Variants in PANK1 observed in about 807,000 individuals in gnomAD.
The protein encoded by PANK1 is pantothenate kinase 1.
PANK1 carries 18 observed loss-of-function variants against 40.1 expected under a neutral mutation model. The ratio of observed to expected loss-of-function variants is 0.45; its 90% CI spans 0.31 to 0.67. The LOEUF (loss-of-function observed/expected upper bound fraction) is 0.67. Among genes scored for constraint, PANK1 ranks in the 30% least tolerant of loss-of-function variants. The pLI is 0.06. For missense variants in PANK1, 457 were observed against 599.6 expected (o/e 0.76, Z 2.48); for synonymous variants, 242 against 237.7 (o/e 1.02, Z -0.17).
Position 89,599,512 on chromosome 10 carries a change from C to T in PANK1, c.646-7G>A. 1 of 1,609,778 alleles carries T rather than the reference C, an allele frequency of 6.2e-7. No homozygotes were observed. Among genetic ancestry groups the T allele is most frequent in the Non-Finnish European group, 8.5e-7 (1 of 1,177,514 alleles). ...GCAGCTGCAGGTCAGCAATCTAAAACAAAACACACAACAAAATAAAACCTT... is the reference window on the plus strand; with the variant it reads ...GCAGCTGCAGGTCAGCAATCTAAAATAAAACACACAACAAAATAAAACCTT... On this transcript the variant is annotated splice_polypyrimidine_tract_variant and splice_region_variant and intron_variant, in intron 2 of 6. Coordinates refer to ENST00000307534, the MANE Select transcript of PANK1 (RefSeq NM_148977.3).
rs777416944 is a variant in PANK1, at chr10:89,644,882, G to T, written c.10C>A (p.Arg4Ser). The change falls in exon 1 of 7, where the codon CGC (arginine) becomes AGC (serine). Residue 4 changes from arginine to serine, a missense_variant. Around this residue, in one of 4 missense-constraint regions of PANK1, gnomAD observed 144 missense variants for 131.2 expected, o/e 1.10. Coordinates refer to ENST00000307534, the MANE Select transcript of PANK1 (RefSeq NM_148977.3). ...ACCGAGCGCTCCTGCTGCCCGCTGC[G>T]GTCGCCCATGCCGGGGGCTGGCGGG... MGD[R>S]SGQQERSVPH... 8 of 1,500,548 alleles carry T rather than the reference G, an allele frequency of 5.3e-6. No homozygotes were observed. The highest frequency in any genetic ancestry group is 1.5e-5 in the African/African-American group (1 of 68,302). 93.0% of individuals were successfully genotyped at this position (1,500,548 alleles called of 1,614,324 possible).
chr10:89,582,588 C>T (rs528988594), downstream of PANK1: 10 of 152,234 alleles, frequency 6.6e-5, no homozygotes, highest in African/African-American at 2.4e-4. Flanking sequence ...ATAGAAGAGG[C>T]CATCAAAAGG....
At chr10:89,597,352 A>G (rs1844640920) in intron 3 of PANK1, among the ~76,000 whole-genome samples, 1 of 152,268 alleles carries the variant, frequency 6.6e-6, no homozygotes, top group East Asian at 1.9e-4. Context: ...TTGATGTTTC[A>G]TTCCCCTCCC....
chr10:89,635,179 T>C (rs1244621008), intron 1 of PANK1, among the ~76,000 whole-genome samples: 2 of 152,148 alleles, frequency 1.3e-5, no homozygotes, highest in South Asian at 4.1e-4. Context: ...TCTATTAATA[T>C]AAATAAGACT....
At chr10:89,605,040 C>T (rs1343306005) in intron 2 of PANK1, among the ~76,000 whole-genome samples, 2 of 150,296 alleles carry the variant, frequency 1.3e-5, no homozygotes, top group East Asian at 1.9e-4. Context: ...TGTGAGCCAC[C>T]AAGCCCAGCC....
rs115100849 is a variant in PANK1 at position 89,623,028 on chromosome 10, G to A, written c.293-10980C>T. Among the ~76,000 whole-genome samples the A allele has an allele frequency of 2.8e-3, 420 of 152,060 alleles. 5 individuals are homozygous for A. The highest frequency in any genetic ancestry group is 9.6e-3 in the African/African-American group (400 of 41,478). ...GTGAGACAAATGTTCATTATCTATC[G>A]TTAGGTGAAAAGGGCAGGGATTAAA... On this transcript the variant is annotated intron_variant, in intron 1 of 6. Coordinates refer to ENST00000307534, the MANE Select transcript of PANK1 (RefSeq NM_148977.3).
chr10:89,644,464 T>C (rs970121015), intron 1 of PANK1, 136 bp downstream of exon 1: 23 of 706,222 alleles, frequency 3.3e-5, no homozygotes, highest in African/African-American at 5.8e-5. Context: ...CCCGGGAACC[T>C]ACTCTGTGCA....
At position 89,644,895 on chromosome 10, in the gene PANK1, G is replaced by T; in HGVS notation, c.-4C>A. The T allele has an allele frequency of 6.6e-7, 1 of 1,515,702 alleles. No individual in the cohort carries two copies. Among genetic ancestry groups the T allele is most frequent in the East Asian group, 2.8e-5 (1 of 35,624 alleles). 93.9% of individuals were successfully genotyped at this position (1,515,702 alleles called of 1,614,324 possible). A position where few individuals can be genotyped will look rare whatever the true frequency, so the allele number is the denominator to read the frequency against. On this transcript the variant is annotated 5_prime_UTR_variant, in exon 1 of 7. Coordinates refer to ENST00000307534, the MANE Select transcript of PANK1 (RefSeq NM_148977.3). ...GCTGCCCGCTGCGGTCGCCCATGCC[G>T]GGGGCTGGCGGGGCTGTGCGCGGGC...
chr10:89,586,910 T>A (rs1173075930), intron 6 of PANK1, among the ~76,000 whole-genome samples: 2 of 152,148 alleles, frequency 1.3e-5, no homozygotes, highest in Non-Finnish European at 2.9e-5. Flanking sequence ...GTGGATTACC[T>A]GAGGTCAGGA....
intron 6 of PANK1, among the ~76,000 whole-genome samples, chr10:89,586,153 CT>C (rs1441522462): frequency 5.9e-5 from 9 of 152,310 alleles, no homozygotes; most frequent in African/African-American, 2.2e-4. Context: ...AGTTTCCAGG[CT>C]TTGTTGTCTG....
intron 1 of PANK1, among the ~76,000 whole-genome samples, chr10:89,642,765 C>T (rs2133039847): frequency 6.6e-6 from 1 of 152,222 alleles, no homozygotes; most frequent in African/African-American, 2.4e-5. Context: ...CTCCTAGGAA[C>T]ATGTAAAATT....
rs1175670139 is a variant in PANK1 at position 89,583,421 on chromosome 10, T to C, written c.*985A>G. The stretch of plus-strand genomic sequence containing the variant: ...CATGTACAAAACAAATAGATATTAC[T>C]ATCTGACACCTCAACCCATGACTTA... On this transcript the variant is annotated 3_prime_UTR_variant, in exon 7 of 7. Coordinates refer to ENST00000307534, the MANE Select transcript of PANK1 (RefSeq NM_148977.3). The C allele has an allele frequency of 6.6e-6, 1 of 152,186 alleles. No homozygotes were observed. Among genetic ancestry groups the C allele is most frequent in the East Asian group, 1.9e-4 (1 of 5,204 alleles). 9.4% of individuals were successfully genotyped at this position (152,186 alleles called of 1,614,324 possible). A position where few individuals can be genotyped will look rare whatever the true frequency, so the allele number is the denominator to read the frequency against.
At chr10:89,624,171 C>A (rs1446715824) in intron 1 of PANK1, among the ~76,000 whole-genome samples, 1 of 152,156 alleles carries the variant, frequency 6.6e-6, no homozygotes, top group Non-Finnish European at 1.5e-5. Context: ...AGTATTATCA[C>A]CGGAGTCACA....
intron 3 of PANK1, among the ~76,000 whole-genome samples, chr10:89,597,052 T>A (rs1488468850): frequency 1.3e-5 from 2 of 152,202 alleles, no homozygotes; most frequent in Non-Finnish European, 2.9e-5. Flanking sequence ...ACTGACATCC[T>A]GTGTAGCTTC....
chr10:89,638,304 G>C (rs554923605), intron 1 of PANK1, among the ~76,000 whole-genome samples: 1 of 152,182 alleles, frequency 6.6e-6, no homozygotes, highest in Non-Finnish European at 1.5e-5. Flanking sequence ...TTCCTTCTCC[G>C]AGGTCATGGC....
At chr10:89,605,271 G>A (rs930274512) in intron 2 of PANK1, among the ~76,000 whole-genome samples, 18 of 152,080 alleles carry the variant, frequency 1.2e-4, no homozygotes, top group Non-Finnish European at 2.5e-4. Flanking sequence ...GAAGTTTGCC[G>A]CATTGGTTGA....
intron 1 of PANK1, among the ~76,000 whole-genome samples, chr10:89,642,320 C>T (rs1424423374): frequency 6.6e-6 from 1 of 152,182 alleles, no homozygotes; most frequent in African/African-American, 2.4e-5. Context: ...AAAATAGAAA[C>T]ACACCTATCC....
intron 1 of PANK1, chr10:89,643,709 C>T: frequency 1.2e-6 from 2 of 1,613,424 alleles, no homozygotes; most frequent in Non-Finnish European, 1.7e-6. Flanking sequence ...TGCTTTTTGC[C>T]ATTTATAAGC....
At chr10:89,640,906 CACTT>C (rs973287902) in intron 1 of PANK1, among the ~76,000 whole-genome samples, 2 of 152,202 alleles carry the variant, frequency 1.3e-5, no homozygotes, top group African/African-American at 4.8e-5. Flanking sequence ...TGTTGAAACT[CACTT>C]ACTGGTCTTT....
Sources: allele counts gnomAD v4.1 joint callset (sites outside exome capture counted in the v4.1 genomes callset), GRCh38; gene constraint gnomAD v4.1.1; regional missense constraint gnomAD v4.1.1; transcripts MANE v1.5; gene names NCBI Gene and HGNC (gene_info 2026-07-23, HGNC 2026-07-21).